Variants in FGF13 observed in about 807,000 individuals in gnomAD.
The protein encoded by FGF13 is fibroblast growth factor 13.
In FGF13, 2 loss-of-function variants were observed where a neutral mutation model predicts 19.5. The ratio of observed to expected loss-of-function variants is 0.10; its 90% CI spans 0.04 to 0.32. The LOEUF is 0.32. FGF13 is among the 10% of genes least tolerant of loss of function. The pLI, the probability that FGF13 is intolerant of heterozygous loss-of-function variation, is 1.00. For missense variants in FGF13, 113 were observed against 192.7 expected (o/e 0.59, Z 2.45); for synonymous variants, 72 against 76.9 (o/e 0.94, Z 0.33).
At chrX:138,760,456 C>T (rs964393441) in intron 3 of FGF13, among the ~76,000 whole-genome samples, 1 of 111,904 alleles carries the variant, frequency 8.9e-6, no homozygotes, top group African/African-American at 3.3e-5. Context: ...ACAAGCCTGC[C>T]TCGGTGTTAG....
chrX:139,086,053 ATGAACTTAGTTGACTTTTACTTCTTCTT>A (rs1270801454), intron 1 of FGF13, among the ~76,000 whole-genome samples: 2 of 112,598 alleles, frequency 1.8e-5, no homozygotes, highest in Admixed American at 1.9e-4. Context: ...CCTGGATAAC[ATGAACTTAGTTGACTTTTACTTCTTCTT>A]TGAACTTAGT....
intron 1 of FGF13, among the ~76,000 whole-genome samples, chrX:138,897,210 A>G (rs1291682218): frequency 9.0e-6 from 1 of 111,420 alleles, no homozygotes; most frequent in Non-Finnish European, 1.9e-5. Flanking sequence ...GGGTTTCGCC[A>G]TGTTGCCCAG....
At chrX:138,702,904 A>T in intron 3 of FGF13, 80 bp downstream of exon 3, 7 of 634,418 alleles carry the variant, frequency 1.1e-5, no homozygotes, top group Non-Finnish European at 1.6e-5. Flanking sequence ...ATCTGTAATG[A>T]TAACACATAT....
chrX:138,823,008 T>C (rs1190128691), intron 3 of FGF13, among the ~76,000 whole-genome samples: 1 of 110,992 alleles, frequency 9.0e-6, no homozygotes, highest in Non-Finnish European at 1.9e-5. Flanking sequence ...GTGTCACATA[T>C]CAGAGAACAT....
chrX:139,029,738 C>T (rs1050851057), intron 1 of FGF13, among the ~76,000 whole-genome samples: 6 of 111,225 alleles, frequency 5.4e-5, no homozygotes, highest in East Asian at 2.9e-4. Flanking sequence ...ACTTAACATA[C>T]GTTATATGAG....
intron 1 of FGF13, among the ~76,000 whole-genome samples, chrX:138,968,332 C>T (rs778090973): frequency 8.9e-6 from 1 of 112,406 alleles, no homozygotes; most frequent in South Asian, 3.7e-4. Context: ...ACTTTCTTGA[C>T]TATGCAATCC....
intron 3 of FGF13, 147 bp downstream of exon 3, chrX:138,702,837 G>A (rs934791857): frequency 7.9e-5 from 36 of 453,534 alleles, no homozygotes; most frequent in Non-Finnish European, 1.1e-4. Flanking sequence ...TTCACAGAAA[G>A]TTAATCTGTC....
At chrX:139,169,587 G>C (rs1373886420) in intron 1 of FGF13, among the ~76,000 whole-genome samples, 1 of 110,804 alleles carries the variant, frequency 9.0e-6, no homozygotes, top group Admixed American at 9.7e-5. Flanking sequence ...GCCTCCCAAA[G>C]AGCTAGGATT....
At chrX:138,826,271 G>A (rs111546318) in intron 3 of FGF13, among the ~76,000 whole-genome samples, 6 of 111,595 alleles carry the variant, frequency 5.4e-5, no homozygotes, top group Middle Eastern at 9.5e-3. Context: ...TGCTATTTCC[G>A]GAAACCTCTT....
intron 1 of FGF13, among the ~76,000 whole-genome samples, chrX:139,146,229 G>A (rs769697111): frequency 8.9e-6 from 1 of 111,785 alleles, no homozygotes. Context: ...ATCTGACAAA[G>A]GGCTAATATC....
rs1602829463 is a variant in FGF13, at chrX:138,776,156, A to T, written c.218-67228T>A. On this transcript the variant is annotated intron_variant, in intron 3 of 6. Transcript: ENST00000436198. ...ATCCCTACTATTTCTACCAAGACTG[A>T]TATTATGTATTTGTGCCCACTGTCA... 8.9e-5 allele frequency among the ~76,000 whole-genome samples: 10 copies of T among 112,219 alleles called. No homozygotes were observed. The South Asian group carries it at 3.7e-3, about 42-fold the overall frequency.
chrX:139,013,880 T>TA (rs765842950), intron 1 of FGF13, among the ~76,000 whole-genome samples: 20 of 109,462 alleles, frequency 1.8e-4, no homozygotes, highest in African/African-American at 6.0e-4. Flanking sequence ...CCTACTGAAA[T>TA]AAAAAAAATA....
At chrX:138,911,934 C>T (rs1026777943) in intron 1 of FGF13, among the ~76,000 whole-genome samples, 2 of 112,016 alleles carry the variant, frequency 1.8e-5, no homozygotes, top group African/African-American at 6.5e-5. Context: ...AACAGAATAG[C>T]TCCTTCCAGC....
At chrX:138,796,459 T>C (rs2090779307) in intron 3 of FGF13, among the ~76,000 whole-genome samples, 1 of 112,273 alleles carries the variant, frequency 8.9e-6, no homozygotes, top group African/African-American at 3.2e-5. Flanking sequence ...ATTTTCTTTA[T>C]CCAGTCTATC....
At chrX:139,191,550 C>A (rs1425303377) in intron 1 of FGF13, among the ~76,000 whole-genome samples, 1 of 111,436 alleles carries the variant, frequency 9.0e-6, no homozygotes, top group African/African-American at 3.3e-5. Context: ...GAAATAAAAA[C>A]CATTTATAAC....
intron 3 of FGF13, among the ~76,000 whole-genome samples, chrX:138,746,504 A>G (rs1275039569): frequency 1.8e-5 from 2 of 111,805 alleles, no homozygotes; most frequent in African/African-American, 6.5e-5. Context: ...ACTATTTCAA[A>G]TAGCTATCTA....
intron 1 of FGF13, among the ~76,000 whole-genome samples, chrX:139,031,053 C>A (rs2092224824): frequency 9.0e-6 from 1 of 111,454 alleles, no homozygotes. Flanking sequence ...AAATGTGTAT[C>A]TCCCTAGACA....
intron 3 of FGF13, among the ~76,000 whole-genome samples, chrX:138,782,058 C>T (rs1314241721): frequency 9.0e-6 from 1 of 111,574 alleles, no homozygotes; most frequent in Non-Finnish European, 1.9e-5. Flanking sequence ...AGACAAAAAC[C>T]ACATGATTAT....
At position 139,146,374 on chromosome X, in the gene FGF13, C is replaced by T. The variant is rs2083889297; in HGVS notation, c.-113+57042G>A. ...GCCAAAAGACACATGAAAAAATGCTCATCATCACCGGCCATCAGAGAAATG... is the reference window on the plus strand; with the variant it reads ...GCCAAAAGACACATGAAAAAATGCTTATCATCACCGGCCATCAGAGAAATG... On this transcript the variant is annotated intron_variant, in intron 1 of 2. Transcript: ENST00000421460. Among the ~76,000 whole-genome samples the T allele has an allele frequency of 2.7e-5, 3 of 112,399 alleles. No homozygotes were observed. The South Asian group carries it at 1.1e-3, about 42-fold the overall frequency.
Sources: gnomAD v4.1 joint callset for allele counts (sites outside exome capture counted in the v4.1 genomes callset) on GRCh38, gnomAD v4.1.1 for gene constraint, MANE v1.5 for transcripts, NCBI Gene and HGNC (gene_info 2026-07-23, HGNC 2026-07-21) for gene names.